The following LRP1B variants were observed in gnomAD, a reference collection of about 807,000 sequenced individuals.
LRP1B encodes the protein low-density lipoprotein receptor-related protein 1B.
Under a neutral mutation model 556.6 loss-of-function variants are expected in LRP1B, and 217 were observed. The observed-to-expected ratio is 0.39, with a 90% CI of 0.35 to 0.44. The LOEUF is 0.44. Among genes scored for constraint, LRP1B ranks in the 20% least tolerant of loss-of-function variants. LRP1B has a pLI of 1.00. For missense variants in LRP1B, 5,053 were observed against 5,620.8 expected (o/e 0.90, Z 3.23); for synonymous variants, 2,047 against 1,865.8 (o/e 1.10, Z -2.50).
chr2:141,716,841 G>C (rs1390486549), intron 2 of LRP1B, among the ~76,000 whole-genome samples: 1 of 152,118 alleles, frequency 6.6e-6, no homozygotes, highest in African/African-American at 2.4e-5. Context: ...AATCTTTCCT[G>C]TGTCTACTAG....
chr2:141,645,444 T>C (rs1344597909), intron 2 of LRP1B, among the ~76,000 whole-genome samples: 2 of 150,410 alleles, frequency 1.3e-5, no homozygotes, highest in African/African-American at 2.4e-5. Context: ...CATGGGATCA[T>C]TGGCACTCTC....
At chr2:140,921,678 G>A (rs1424236726) in intron 21 of LRP1B, among the ~76,000 whole-genome samples, 2 of 151,858 alleles carry the variant, frequency 1.3e-5, no homozygotes, top group Non-Finnish European at 2.9e-5. Flanking sequence ...TCACATAATT[G>A]TGAAAAATAT....
chr2:141,361,378 T>A (rs1012548731), intron 3 of LRP1B, among the ~76,000 whole-genome samples: 1 of 152,192 alleles, frequency 6.6e-6, no homozygotes, highest in African/African-American at 2.4e-5. Context: ...GGTTCCTTAT[T>A]GTTTCTTGCT....
At chr2:141,794,579 T>C (rs916045758) in intron 2 of LRP1B, among the ~76,000 whole-genome samples, 10 of 152,088 alleles carry the variant, frequency 6.6e-5, no homozygotes, top group African/African-American at 2.2e-4. Context: ...ATAAGTACTT[T>C]GATCACCATA....
chr2:141,814,190 A>G (rs1422760942), intron 1 of LRP1B, among the ~76,000 whole-genome samples: 1 of 152,202 alleles, frequency 6.6e-6, no homozygotes, highest in East Asian at 1.9e-4. Context: ...CAAAGGCACC[A>G]AAAGGAGAGA....
chr2:141,283,542 G>T (rs748479766), intron 3 of LRP1B, among the ~76,000 whole-genome samples: 2 of 151,460 alleles, frequency 1.3e-5, no homozygotes, highest in Non-Finnish European at 2.9e-5. Flanking sequence ...AACTGACATA[G>T]ATTAGACATG....
At chr2:140,835,047 C>A (rs1348030411) in intron 31 of LRP1B, among the ~76,000 whole-genome samples, 1 of 152,100 alleles carries the variant, frequency 6.6e-6, no homozygotes, top group Non-Finnish European at 1.5e-5. Flanking sequence ...AATAACTTTT[C>A]TCAATGGTTT....
intron 22 of LRP1B, among the ~76,000 whole-genome samples, chr2:140,906,987 C>T (rs1485699560): frequency 8.3e-6 from 1 of 120,352 alleles, no homozygotes; most frequent in Non-Finnish European, 1.7e-5. Flanking sequence ...AAAAAAAAAA[C>T]TTCCTTTTTT....
intron 41 of LRP1B, among the ~76,000 whole-genome samples, chr2:140,681,498 C>A (rs1456707250): frequency 6.6e-6 from 1 of 152,004 alleles, no homozygotes; most frequent in Admixed American, 6.5e-5. Context: ...GAGATGAGTG[C>A]AAGGAATACT....
Position 141,270,535 on chromosome 2 carries a change from A to G in LRP1B, c.344-15894T>C, listed in dbSNP as rs188026358. Among the ~76,000 whole-genome samples, 239 of 152,222 alleles carry G rather than the reference A, an allele frequency of 1.6e-3. 5 individuals are homozygous for G. Among genetic ancestry groups the G allele is most frequent in the East Asian group, 3.3e-3 (17 of 5,184 alleles). ...AAAAAGTGGAACAAATTCACCACCC[A>G]AATGTCTACTGACAGATGAATGAAT... On this transcript the variant is annotated intron_variant, in intron 3 of 90. Coordinates refer to ENST00000389484, the MANE Select transcript of LRP1B (RefSeq NM_018557.3).
chr2:141,916,478 C>T (rs1436541844), intron 1 of LRP1B, among the ~76,000 whole-genome samples: 1 of 151,858 alleles, frequency 6.6e-6, no homozygotes, highest in African/African-American at 2.4e-5. Flanking sequence ...CATCCTCCTG[C>T]CTCAGCCTCC....
At chr2:141,304,481 T>TCA (rs1180021262) in intron 3 of LRP1B, among the ~76,000 whole-genome samples, 2 of 140,738 alleles carry the variant, frequency 1.4e-5, no homozygotes, top group African/African-American at 5.3e-5. Context: ...ATTCATTTTT[T>TCA]TTTTTTTTTT....
intron 35 of LRP1B, among the ~76,000 whole-genome samples, chr2:140,718,893 A>T (rs1428240290): frequency 1.3e-5 from 2 of 151,920 alleles, no homozygotes; most frequent in Non-Finnish European, 2.9e-5. Flanking sequence ...TTTCCCCAAG[A>T]TATCTCAGCT....
chr2:141,494,401 G>A (rs1683443564), intron 2 of LRP1B, among the ~76,000 whole-genome samples: 1 of 152,010 alleles, frequency 6.6e-6, no homozygotes, highest in Non-Finnish European at 1.5e-5. Flanking sequence ...CCTTAACTGG[G>A]CTTGAGTTGA....
intron 7 of LRP1B, among the ~76,000 whole-genome samples, chr2:141,101,876 T>C (rs2104940759): frequency 6.6e-6 from 1 of 152,268 alleles, no homozygotes; most frequent in African/African-American, 2.4e-5. Context: ...TGCTTTCACA[T>C]AGTGAAAATG....
chr2:140,759,674 G>GCTCCAAAGGCT (rs1184233900), intron 35 of LRP1B, among the ~76,000 whole-genome samples: 3 of 152,088 alleles, frequency 2.0e-5, no homozygotes, highest in African/African-American at 7.2e-5. Flanking sequence ...ACCCTTTGTG[G>GCTCCAAAGGCT]CCAAGGAACT....
intron 32 of LRP1B, among the ~76,000 whole-genome samples, chr2:140,792,904 G>C (rs1427650812): frequency 6.6e-6 from 1 of 151,904 alleles, no homozygotes; most frequent in Non-Finnish European, 1.5e-5. Flanking sequence ...AAAATAACTA[G>C]TTTTATGAAA....
At chr2:141,095,145 C>T (rs77634433) in intron 7 of LRP1B, among the ~76,000 whole-genome samples, 1,795 of 152,000 alleles carry the variant, frequency 0.012, 32 homozygotes, top group African/African-American at 0.041. Flanking sequence ...GACGATGGCC[C>T]TTCAATCTTG....
At chr2:140,646,859 T>C (rs748233502) in intron 41 of LRP1B, among the ~76,000 whole-genome samples, 2 of 152,062 alleles carry the variant, frequency 1.3e-5, no homozygotes, top group African/African-American at 2.4e-5. Context: ...ACATATGTAC[T>C]TTTTCAGGTA....
Sources: gnomAD v4.1 joint callset for allele counts (sites outside exome capture counted in the v4.1 genomes callset) on GRCh38, gnomAD v4.1.1 for gene constraint, MANE v1.5 for transcripts, NCBI Gene and HGNC (gene_info 2026-07-23, HGNC 2026-07-21) for gene names.